ELP4: variants seen among roughly 807,000 people sequenced by gnomAD.
The protein encoded by ELP4 is elongator complex protein 4.
A neutral mutation model predicts 48.9 loss-of-function variants in ELP4; 51 were observed. That is an observed-to-expected ratio of 1.04 (90% CI 0.83 to 1.32). The LOEUF is 1.32. Ranked by LOEUF, ELP4 falls within the 40% of genes most tolerant of loss-of-function variation. The probability of loss-of-function intolerance (pLI) is 0.00; values close to 1 mark genes in which losing one functional copy is unlikely to be tolerated. For synonymous variants in ELP4, 210 were observed against 189.2 expected (o/e 1.11, Z -0.90); for missense variants, 519 against 514.6 (o/e 1.01, Z -0.08).
intron 9 of ELP4, among the ~76,000 whole-genome samples, chr11:31,745,916 C>G (rs1947578378): frequency 6.6e-6 from 1 of 152,106 alleles, no homozygotes; most frequent in African/African-American, 2.4e-5. Flanking sequence ...TAAAGAACTT[C>G]TGCACAGCAA....
chr11:31,675,220 C>T (rs1458938446), intron 9 of ELP4, among the ~76,000 whole-genome samples: 1 of 151,928 alleles, frequency 6.6e-6, no homozygotes, highest in African/African-American at 2.4e-5. Flanking sequence ...AATTGTTGCC[C>T]CCAAGAGTCA....
intron 2 of ELP4, among the ~76,000 whole-genome samples, chr11:31,532,300 AG>A (rs1398296396): frequency 6.6e-6 from 1 of 152,252 alleles, no homozygotes; most frequent in Non-Finnish European, 1.5e-5. Context: ...ATGTTTGCTA[AG>A]TACTATGTCT....
intron 9 of ELP4, among the ~76,000 whole-genome samples, chr11:31,745,799 C>A (rs576607220): frequency 6.6e-6 from 1 of 152,304 alleles, no homozygotes; most frequent in Admixed American, 6.5e-5. Context: ...TAGAAGAAAA[C>A]CTAGGCAATA....
chr11:31,731,012 C>T (rs1947174855), intron 9 of ELP4, among the ~76,000 whole-genome samples: 2 of 151,130 alleles, frequency 1.3e-5, no homozygotes, highest in African/African-American at 4.9e-5. Context: ...AAAATCTAAA[C>T]ACACAAGTTT....
rs116946532 is a variant in ELP4 at position 31,556,054 on chromosome 11, T to A, written c.381+16271T>A. ...TTATAGACCATAATTATCTTAAAGC[T>A]GTGTATAACTAGAAGACAAGTAAAA... is the stretch of plus-strand genomic sequence containing the variant. On this transcript the variant is annotated intron_variant, in intron 3 of 9. Coordinates refer to ENST00000640961, the MANE Select transcript of ELP4 (RefSeq NM_019040.5). Among the ~76,000 whole-genome samples, 541 of 152,018 alleles carry A rather than the reference T, an allele frequency of 3.6e-3. 2 individuals are homozygous for A. Among genetic ancestry groups the A allele is most frequent in the South Asian group, 9.7e-3 (47 of 4,822 alleles).
chr11:31,603,084 TTA>T (rs1957811802), intron 4 of ELP4, among the ~76,000 whole-genome samples: 1 of 151,880 alleles, frequency 6.6e-6, no homozygotes, highest in Non-Finnish European at 1.5e-5. Context: ...AGAGAAATTG[TTA>T]GTAGAGAACA....
intron 9 of ELP4, among the ~76,000 whole-genome samples, chr11:31,746,119 CA>C (rs1205610734): frequency 6.6e-6 from 1 of 151,866 alleles, no homozygotes; most frequent in Non-Finnish European, 1.5e-5. Flanking sequence ...TTTATGCAGC[CA>C]AAAAACACAT....
At position 31,528,462 on chromosome 11, in the gene ELP4, G is replaced by C. The variant is rs975733105; in HGVS notation, c.259+8371G>C. Among the ~76,000 whole-genome samples, 16 of 152,056 alleles carry C rather than the reference G, an allele frequency of 1.1e-4. 1 individual carries two copies. Among genetic ancestry groups the C allele is most frequent in the Admixed American group, 9.2e-4 (14 of 15,258 alleles). On this transcript the variant is annotated intron_variant, in intron 2 of 9. Transcript: ENST00000640961. ...TTGTTACTATACTTTTAAGACTTTTGTCATAAATTTGCTATTTTACTTTTC... is the reference window on the plus strand; with the variant it reads ...TTGTTACTATACTTTTAAGACTTTTCTCATAAATTTGCTATTTTACTTTTC...
intron 1 of ELP4, among the ~76,000 whole-genome samples, chr11:31,517,867 A>C (rs1321300348): frequency 8.0e-5 from 12 of 150,616 alleles, no homozygotes; most frequent in African/African-American, 2.9e-4. Flanking sequence ...ATCCACCCGT[A>C]TTGGCCTCCC....
At chr11:31,682,076 G>A (rs1401428339) in intron 9 of ELP4, 17 of 1,286,240 alleles carry the variant, frequency 1.3e-5, no homozygotes, top group Non-Finnish European at 1.7e-5. Flanking sequence ...AAGTCTAAAG[G>A]TAAGTAGATA....
chr11:31,567,305 T>G (rs962820688), intron 3 of ELP4, among the ~76,000 whole-genome samples: 5 of 152,346 alleles, frequency 3.3e-5, no homozygotes, highest in Non-Finnish European at 7.3e-5. Context: ...CATCCTGCAA[T>G]TATTCGTGCA....
At chr11:31,774,187 A>G (rs757483202) in intron 9 of ELP4, among the ~76,000 whole-genome samples, 7 of 152,216 alleles carry the variant, frequency 4.6e-5, no homozygotes, top group Non-Finnish European at 8.8e-5. Flanking sequence ...TAAATTTTTT[A>G]AAAAGACTTA....
intron 7 of ELP4, chr11:31,646,006 G>A (rs1389412519): frequency 1.3e-5 from 2 of 151,470 alleles, no homozygotes; most frequent in Non-Finnish European, 3.0e-5. Flanking sequence ...ATAACTGGCT[G>A]AAACCCAACC....
At chr11:31,564,540 C>G (rs986343688) in intron 3 of ELP4, among the ~76,000 whole-genome samples, 1 of 152,086 alleles carries the variant, frequency 6.6e-6, no homozygotes, top group Non-Finnish European at 1.5e-5. Context: ...CCTGCTACCC[C>G]AGGACAAGCC....
intron 7 of ELP4, among the ~76,000 whole-genome samples, chr11:31,643,121 G>A (rs1238121119): frequency 3.3e-5 from 5 of 151,526 alleles, no homozygotes; most frequent in African/African-American, 1.2e-4. Context: ...TCCCCTCCCC[G>A]CTCTCTCCCA....
rs1565164326 is a variant in ELP4 at position 31,786,585 on chromosome 11, TA to T, written c.*3063del. 8.9e-6 allele frequency: 2 copies of T among 225,824 alleles called. No homozygotes were observed. Among genetic ancestry groups the T allele is most frequent in the Non-Finnish European group, 1.8e-5 (2 of 113,396 alleles). 14.0% of individuals were successfully genotyped at this position (225,824 alleles called of 1,614,324 possible). ...ATGAGAGGCCCAGAGTAAAAAGAAA[TA>T]AGCAAAAGAATATAGACACAATCCT... On this transcript the variant is annotated 3_prime_UTR_variant, in exon 10 of 10. Coordinates refer to ENST00000640961, the MANE Select transcript of ELP4 (RefSeq NM_019040.5).
At chr11:31,595,339 T>A (rs1957653199) in intron 4 of ELP4, among the ~76,000 whole-genome samples, 1 of 152,098 alleles carries the variant, frequency 6.6e-6, no homozygotes, top group Non-Finnish European at 1.5e-5. Context: ...GAAGGAAAAA[T>A]TTCTGAGAAG....
chr11:31,519,977 C>T, intron 1 of ELP4, 79 bp from the exon 2 acceptor site: 1 of 1,389,528 alleles, frequency 7.2e-7, no homozygotes, highest in African/African-American at 1.4e-5. Flanking sequence ...AAGTGCCTTT[C>T]CTTCATAAAG....
chr11:31,746,252 G>T (rs559336659), intron 9 of ELP4, among the ~76,000 whole-genome samples: 1 of 152,298 alleles, frequency 6.6e-6, no homozygotes, highest in Admixed American at 6.5e-5. Flanking sequence ...GTGTTGGAGA[G>T]GATGTGGAGA....
Sources: allele counts gnomAD v4.1 joint callset (sites outside exome capture counted in the v4.1 genomes callset), GRCh38; gene constraint gnomAD v4.1.1; transcripts MANE v1.5; gene names NCBI Gene and HGNC (gene_info 2026-07-23, HGNC 2026-07-21).